ACOX2: variants seen among roughly 807,000 people sequenced by gnomAD.
ACOX2 encodes acyl-CoA oxidase 2.
Under a neutral mutation model 77.5 loss-of-function variants are expected in ACOX2, and 59 were observed. That is an observed-to-expected ratio of 0.76 (90% CI 0.62 to 0.95). The LOEUF (loss-of-function observed/expected upper bound fraction) is 0.95. ACOX2 is among the 40% of genes least tolerant of loss of function. ACOX2 has a pLI of 0.00. For synonymous variants in ACOX2, 317 were observed against 340.1 expected, an observed-to-expected ratio of 0.93 and a Z score of 0.75; for missense variants, 837 against 880.4, an observed-to-expected ratio of 0.95 and a Z score of 0.62.
At position 58,526,365 on chromosome 3, in the gene ACOX2, G is replaced by C. The variant is rs751039359; in HGVS notation, c.1346+101C>G. 7.4e-7 allele frequency: 1 copy of C among 1,358,436 alleles called. No individual in the cohort carries two copies. The allele number at this position is 1,358,436 out of a possible 1,614,324, so 84.1% of individuals were successfully genotyped here. A position where few individuals can be genotyped will look rare whatever the true frequency, so the allele number is the denominator to read the frequency against. On this transcript the variant is annotated intron_variant, in intron 10 of 14. Transcript: ENST00000302819. This position sits in a 1 kb window ranked among gnomAD's most constrained non-coding sequence, Gnocchi z 4.3. ...CAGCTCCCAAATAGCACTTCGCAAAGCCTGCTCTTTTTATGGGCCTCAGAC... is the reference window on the plus strand; with the variant it reads ...CAGCTCCCAAATAGCACTTCGCAAACCCTGCTCTTTTTATGGGCCTCAGAC...
intron 5 of ACOX2, among the ~76,000 whole-genome samples, chr3:58,532,915 G>C (rs565360992): frequency 2.0e-5 from 3 of 152,192 alleles, no homozygotes; most frequent in Non-Finnish European, 4.4e-5. Context: ...CCTCAGGGAC[G>C]CTTGATGTGG....
chr3:58,506,570 A>G (rs566102169), intron 14 of ACOX2, among the ~76,000 whole-genome samples: 1 of 152,148 alleles, frequency 6.6e-6, no homozygotes. Context: ...AGGCAGACGG[A>G]TCATTTGAGG....
chr3:58,522,586 T>G lies in ACOX2; in HGVS notation c.1542A>C (p.Ser514=). The G allele has an allele frequency of 1.2e-6, 2 of 1,614,190 alleles. No homozygotes were observed. The highest frequency in any genetic ancestry group is 2.2e-5 in the South Asian group (2 of 91,080). Residue 514 remains serine (S), a synonymous_variant, in exon 12 of 15, where the codon TCA becomes TCC. Transcript: ENST00000302819. This position sits in a 1 kb window ranked among gnomAD's most constrained non-coding sequence, Gnocchi z 4.3. ...GCGTCAGGGTCTGTAAATGCTGCAC[T>G]GAGTCCTTTATGAGCCTGAAAGCCA... ...AHVAVRLIKD[S]VQHLQTLTQS...
chr3:58,522,490 G>C lies in ACOX2; in HGVS notation c.1632+6C>G. The C allele has an allele frequency of 1.2e-6, 2 of 1,613,184 alleles. No individual in the cohort carries two copies. Among genetic ancestry groups the C allele is most frequent in the South Asian group, 1.1e-5 (1 of 91,056 alleles). On this transcript the variant is annotated splice_donor_region_variant and intron_variant, in intron 12 of 14. Transcript: ENST00000302819. This position sits in a 1 kb window ranked among gnomAD's most constrained non-coding sequence, Gnocchi z 4.3. Reference sequence around the variant, plus strand: ...TCCCTTTCAGCTTCAGCTGGCAGGCGCTCACCTTAGCAGCCTGGAGGTGTA... The same window carrying C: ...TCCCTTTCAGCTTCAGCTGGCAGGCCCTCACCTTAGCAGCCTGGAGGTGTA...
In ACOX2 at chr3:58,510,430, C is replaced by T. The variant is rs527549838; in HGVS notation, c.1851-1405G>A. Among the ~76,000 whole-genome samples the T allele has an allele frequency of 4.2e-4, 64 of 151,184 alleles. No homozygotes were observed. In the Middle Eastern group the frequency reaches 0.01, roughly 24 times the overall value. ...GATGGATCAGCTGAGGTCAGGAGTT[C>T]GAGACCAGCCTGGCCAACATGGCGG... On this transcript the variant is annotated intron_variant, in intron 13 of 14. Coordinates refer to ENST00000302819, the MANE Select transcript of ACOX2 (RefSeq NM_003500.4).
intron 1 of ACOX2, among the ~76,000 whole-genome samples, chr3:58,536,872 T>G (rs1384856413): frequency 1.3e-5 from 2 of 152,202 alleles, no homozygotes; most frequent in East Asian, 3.8e-4. Flanking sequence ...TTGAGATCAT[T>G]TACTCATTTC....
rs2063468201 is a variant in ACOX2, at chr3:58,534,707, G to A, written c.161-185C>T. On this transcript the variant is annotated intron_variant, in intron 2 of 14. Transcript: ENST00000302819. The surrounding 1 kb of genome is among the most constrained non-coding windows in gnomAD (Gnocchi z 4.8). Reference sequence around the variant, plus strand: ...CCCAAGGTTACAAAGCTATGCAGTGGCAGAATTTTAGGACCAGAATCCAGG... The same window carrying A: ...CCCAAGGTTACAAAGCTATGCAGTGACAGAATTTTAGGACCAGAATCCAGG... 1 of 1,446,716 alleles carries A rather than the reference G, an allele frequency of 6.9e-7. No homozygotes were observed. The highest frequency in any genetic ancestry group is 9.4e-7 in the Non-Finnish European group (1 of 1,062,518). 89.6% of individuals were successfully genotyped at this position (1,446,716 alleles called of 1,614,324 possible). A position where few individuals can be genotyped will look rare whatever the true frequency, so the allele number is the denominator to read the frequency against.
In ACOX2 at chr3:58,514,566, A is replaced by T. The variant is rs1560211728; in HGVS notation, c.1850+2640T>A. Among the ~76,000 whole-genome samples the T allele has an allele frequency of 6.6e-6, 1 of 152,228 alleles. No homozygotes were observed. The highest frequency in any genetic ancestry group is 6.5e-5 in the Admixed American group (1 of 15,292). The stretch of plus-strand genomic sequence containing the variant: ...AAGGCAGGGAACTGTGACACCAAAC[A>T]GTGATATGCATAGAATCTGTTATGT... On this transcript the variant is annotated intron_variant, in intron 13 of 14. Transcript: ENST00000302819. The surrounding 1 kb of genome is among the most constrained non-coding windows in gnomAD (Gnocchi z 4.3).
chr3:58,537,082 G>T (rs1368952487), intron 1 of ACOX2, 37 bp downstream of exon 1: 1 of 152,832 alleles, frequency 6.5e-6, no homozygotes, highest in Non-Finnish European at 1.5e-5. Context: ...CTCCTCTGGG[G>T]TCTCCCAGTC....
intron 12 of ACOX2, among the ~76,000 whole-genome samples, chr3:58,518,607 G>A (rs1432927104): frequency 6.6e-6 from 1 of 152,164 alleles, no homozygotes; most frequent in East Asian, 1.9e-4. Flanking sequence ...GGAGAGCAAG[G>A]AAGAGAGAAA....
At chr3:58,510,699 TATATATATATAC>T (rs2063278586) in intron 13 of ACOX2, among the ~76,000 whole-genome samples, 4 of 5,850 alleles carry the variant, frequency 6.8e-4, no homozygotes, top group African/African-American at 1.6e-3. Flanking sequence ...TATATATATA[TATATATATATAC>T]ACACACACAC....
chr3:58,532,710 C>G (rs2063449889), intron 5 of ACOX2, among the ~76,000 whole-genome samples: 1 of 152,174 alleles, frequency 6.6e-6, no homozygotes, highest in African/African-American at 2.4e-5. Context: ...TGTCTCTGGT[C>G]TCTGCCTGTG....
intron 13 of ACOX2, among the ~76,000 whole-genome samples, chr3:58,509,555 C>T (rs564614912): frequency 1.8e-4 from 27 of 150,524 alleles, no homozygotes; most frequent in South Asian, 4.2e-4. Flanking sequence ...AAATAAATAA[C>T]GAGCATATAC....
At chr3:58,518,007 G>A (rs886518460) in intron 12 of ACOX2, among the ~76,000 whole-genome samples, 18 of 149,630 alleles carry the variant, frequency 1.2e-4, no homozygotes, top group African/African-American at 2.7e-4. Flanking sequence ...CCCAGGAGGC[G>A]GAGGTTGCAG....
In ACOX2 at chr3:58,519,082, C is replaced by T. The variant is rs1384405636; in HGVS notation, c.1633-1659G>A. On this transcript the variant is annotated intron_variant, in intron 12 of 14. Coordinates refer to ENST00000302819, the MANE Select transcript of ACOX2 (RefSeq NM_003500.4). This position sits in a 1 kb window ranked among gnomAD's most constrained non-coding sequence, Gnocchi z 5.0. ...GCTGTAGTGATTTTCAGTAGCAAGACTTAGAGTGTCTTGGGGGTTCGGCTG... is the reference window on the plus strand; with the variant it reads ...GCTGTAGTGATTTTCAGTAGCAAGATTTAGAGTGTCTTGGGGGTTCGGCTG... Among the ~76,000 whole-genome samples, 1 of 152,124 alleles carries T rather than the reference C, an allele frequency of 6.6e-6. No individual in the cohort carries two copies. Among genetic ancestry groups the T allele is most frequent in the African/African-American group, 2.4e-5 (1 of 41,430 alleles).
In ACOX2 at chr3:58,534,084, G is replaced by A. The variant is rs1416251836; in HGVS notation, c.385C>T (p.Leu129=). 6.2e-7 allele frequency: 1 copy of A among 1,614,044 alleles called. No individual in the cohort carries two copies. Among genetic ancestry groups the A allele is most frequent in the Non-Finnish European group, 8.5e-7 (1 of 1,180,018 alleles). The change falls in exon 4 of 15, where the codon CTG becomes TTG. Residue 129 remains leucine (L), a synonymous_variant. Coordinates refer to ENST00000302819, the MANE Select transcript of ACOX2 (RefSeq NM_003500.4). The surrounding 1 kb of genome is among the most constrained non-coding windows in gnomAD (Gnocchi z 4.8). ...HRVFVRALRS[L]GSEEQIAKWD... is the part of the protein sequence containing the mutation. ...TTGGCAATCTGCTCCTCTGAGCCCAGGCTCCTGAGGGCTCTCACGAAGACT... is the reference window on the plus strand; with the variant it reads ...TTGGCAATCTGCTCCTCTGAGCCCAAGCTCCTGAGGGCTCTCACGAAGACT...
In ACOX2 at chr3:58,531,920, C is replaced by A; in HGVS notation, c.584-108G>T. 7.1e-7 allele frequency: 1 copy of A among 1,417,728 alleles called. No individual in the cohort carries two copies. Among genetic ancestry groups the A allele is most frequent in the Non-Finnish European group, 9.2e-7 (1 of 1,083,704 alleles). 87.8% of individuals were successfully genotyped at this position (1,417,728 alleles called of 1,614,324 possible). A position where few individuals can be genotyped will look rare whatever the true frequency, so the allele number is the denominator to read the frequency against. On this transcript the variant is annotated intron_variant, in intron 5 of 14. Coordinates refer to ENST00000302819, the MANE Select transcript of ACOX2 (RefSeq NM_003500.4). The surrounding 1 kb of genome is among the most constrained non-coding windows in gnomAD (Gnocchi z 5.8). Reference sequence around the variant, plus strand: ...GTTTTGGATGGGTACCTCTGGGGCCCTGAAAAGTCACTGATCAAAGAGAGA... The same window carrying A: ...GTTTTGGATGGGTACCTCTGGGGCCATGAAAAGTCACTGATCAAAGAGAGA...
In ACOX2 at chr3:58,533,888, A is replaced by G. The variant is rs2063458804; in HGVS notation, c.475+106T>C. 3 of 1,406,122 alleles carry G rather than the reference A, an allele frequency of 2.1e-6. No individual in the cohort carries two copies. The highest frequency in any genetic ancestry group is 2.9e-6 in the Non-Finnish European group (3 of 1,031,434). The allele number at this position is 1,406,122 out of a possible 1,614,324, so 87.1% of individuals were successfully genotyped here. On this transcript the variant is annotated intron_variant, in intron 4 of 14. Coordinates refer to ENST00000302819, the MANE Select transcript of ACOX2 (RefSeq NM_003500.4). This position sits in a 1 kb window ranked among gnomAD's most constrained non-coding sequence, Gnocchi z 5.6. ...CTGCTGGAATGTTTTCTTATTAAAC[A>G]TATGTCCCTCGGAGCATATGAACCT...
In ACOX2 at chr3:58,534,057, A is replaced by G. The variant is rs1453771160; in HGVS notation, c.412T>C (p.Trp138Arg). Reference sequence around the variant, plus strand: ...TGGATGTTTTTGCAGAGTGGGTCCCATTTGGCAATCTGCTCCTCTGAGCCC... The same window carrying G: ...TGGATGTTTTTGCAGAGTGGGTCCCGTTTGGCAATCTGCTCCTCTGAGCCC... ...SLGSEEQIAK[W>R]DPLCKNIQII... is the part of the protein sequence containing the mutation. Residue 138 changes from tryptophan to arginine, a missense_variant, in exon 4 of 15, where the codon TGG (tryptophan) becomes CGG (arginine). By Grantham distance (101) the Trp-to-Arg change is moderately radical. Transcript: ENST00000302819. The surrounding 1 kb of genome is among the most constrained non-coding windows in gnomAD (Gnocchi z 4.8). The G allele has an allele frequency of 6.2e-7, 1 of 1,614,130 alleles. No individual in the cohort carries two copies. Among genetic ancestry groups the G allele is most frequent in the Non-Finnish European group, 8.5e-7 (1 of 1,180,040 alleles).
Sources: allele counts gnomAD v4.1 joint callset (sites outside exome capture counted in the v4.1 genomes callset), GRCh38; gene constraint gnomAD v4.1.1; non-coding constraint Gnocchi (gnomAD v3.1); transcripts MANE v1.5; gene names NCBI Gene and HGNC (gene_info 2026-07-23, HGNC 2026-07-21).